The following UNC13B variants were observed in gnomAD, a reference collection of about 807,000 sequenced individuals.
UNC13B encodes the protein unc-13 homolog B, also known as protein unc-13 homolog B.
UNC13B carries 144 observed loss-of-function variants against 211.0 expected under a neutral mutation model. The ratio of observed to expected loss-of-function variants is 0.68; its 90% CI spans 0.60 to 0.78. The LOEUF (loss-of-function observed/expected upper bound fraction) is 0.78, where lower values mean the gene tolerates loss of function less well. Ranked by LOEUF, UNC13B falls within the 30% of genes least tolerant of loss-of-function variation. The probability of loss-of-function intolerance (pLI) is 0.00; values close to 1 mark genes in which losing one functional copy is unlikely to be tolerated. For missense variants in UNC13B, 1,777 were observed against 2,002.0 expected (o/e 0.89, Z 2.14); for synonymous variants, 709 against 725.8 (o/e 0.98, Z 0.37).
In UNC13B at chr9:35,243,284, A is replaced by G; in HGVS notation, c.395-7A>G. 4.3e-6 allele frequency: 7 copies of G among 1,611,808 alleles called. No individual in the cohort carries two copies. Among genetic ancestry groups the G allele is most frequent in the Non-Finnish European group, 5.9e-6 (7 of 1,178,826 alleles). On this transcript the variant is annotated splice_region_variant and splice_polypyrimidine_tract_variant and intron_variant, in intron 5 of 39. Transcript: ENST00000635942. ...TTCTTTTCTTTTTCTTCTTTTTTTT[A>G]TGGTAGATATCCCAGAGGAGGAAGC...
At chr9:35,244,113 T>A (rs1403840786) in intron 6 of UNC13B, among the ~76,000 whole-genome samples, 3 of 151,806 alleles carry the variant, frequency 2.0e-5, no homozygotes, top group Admixed American at 1.3e-4. Context: ...GGAGACAGTA[T>A]TAAAGAACAG....
chr9:35,342,071 T>C, intron 11 of UNC13B: 1 of 985,444 alleles, frequency 1.0e-6, no homozygotes, highest in South Asian at 4.7e-5. Flanking sequence ...GAGGGGTTTT[T>C]TTGCAGGGCA....
In UNC13B at chr9:35,370,378, G is replaced by T. The variant is rs1240019406; in HGVS notation, c.9522G>T (p.Leu3174=). 1.9e-6 allele frequency: 3 copies of T among 1,613,746 alleles called. No individual in the cohort carries two copies. The highest frequency in any genetic ancestry group is 2.5e-6 in the Non-Finnish European group (3 of 1,180,012). Residue 3174 remains leucine (L), a synonymous_variant, in exon 13 of 40, where the codon CTG becomes CTT. Coordinates refer to ENST00000635942, the MANE Select transcript of UNC13B (RefSeq NM_001371189.2). ...SMPDLRRKKP[L]PLVSDLSLVQ... is the part of the protein sequence containing the mutation. ...CAGATTTACGCAGAAAGAAGCCACTGCCACTTGTCAGTGATCTGGTGAGTG... is the reference window on the plus strand; with the variant it reads ...CAGATTTACGCAGAAAGAAGCCACTTCCACTTGTCAGTGATCTGGTGAGTG...
At chr9:35,222,184 T>TA (rs200433095) in intron 1 of UNC13B, among the ~76,000 whole-genome samples, 10 of 151,274 alleles carry the variant, frequency 6.6e-5, no homozygotes, top group South Asian at 2.1e-4. Context: ...TGTCAGTATC[T>TA]AAAAAAAAAT....
At chr9:35,248,140 G>A (rs1342505402) in intron 6 of UNC13B, among the ~76,000 whole-genome samples, 10 of 152,108 alleles carry the variant, frequency 6.6e-5, no homozygotes, top group South Asian at 4.1e-4. Flanking sequence ...GTTTATTTGC[G>A]TAGAGGTGTT....
rs889407909 is a variant in UNC13B, at chr9:35,304,504, T to G, written c.5100T>G (p.Asp1700Glu). Residue 1700 changes from aspartate (D) to glutamate (E), a missense_variant, in exon 9 of 40, where the codon GAT becomes GAG. Coordinates refer to ENST00000635942, the MANE Select transcript of UNC13B (RefSeq NM_001371189.2). ...GCAGAGATCAAATTATAGAGAGAGA[T>G]AAAAACCAGCCTCTAGCTGAAGATT... The part of the protein sequence containing the change: ...VSSRDQIIER[D>E]KNQPLAEDSS... The G allele has an allele frequency of 2.0e-5, 8 of 398,530 alleles. No individual in the cohort carries two copies. The highest frequency in any genetic ancestry group is 3.6e-5 in the East Asian group (1 of 28,076). The allele number at this position is 398,530 out of a possible 1,614,324, so 24.7% of individuals were successfully genotyped here. A position where few individuals can be genotyped will look rare whatever the true frequency, so the allele number is the denominator to read the frequency against.
At chr9:35,311,124 C>T (rs962127031) in intron 10 of UNC13B, among the ~76,000 whole-genome samples, 1 of 152,136 alleles carries the variant, frequency 6.6e-6, no homozygotes, top group Non-Finnish European at 1.5e-5. Flanking sequence ...ACTAGGTGTG[C>T]ACCACCACAC....
rs539963413 is a variant in UNC13B, at chr9:35,242,660, T to C, written c.395-631T>C. ...TGAATAATGCTCCGTTGTATGTAAA[T>C]CTCTCATTTTGTTAATCCTTTCATC... On this transcript the variant is annotated intron_variant, in intron 5 of 39. Transcript: ENST00000635942. 7.9e-5 allele frequency among the ~76,000 whole-genome samples: 12 copies of C among 152,274 alleles called. No individual in the cohort carries two copies. In the East Asian group the frequency reaches 2.3e-3, roughly 29 times the overall value.
At chr9:35,325,131 G>C (rs1830936203) in intron 11 of UNC13B, among the ~76,000 whole-genome samples, 1 of 152,208 alleles carries the variant, frequency 6.6e-6, no homozygotes, top group South Asian at 2.1e-4. Context: ...CTCAGAGGGA[G>C]AGAAGGATGA....
intron 34 of UNC13B, 51 bp downstream of exon 34, chr9:35,399,335 C>T (rs780956500): frequency 6.2e-7 from 1 of 1,614,144 alleles, no homozygotes; most frequent in East Asian, 2.2e-5. Flanking sequence ...CCCCTCACTC[C>T]CTGCTTCCTG....
chr9:35,258,612 G>A (rs750271682), intron 6 of UNC13B, among the ~76,000 whole-genome samples: 8 of 152,220 alleles, frequency 5.3e-5, no homozygotes, highest in Admixed American at 1.3e-4. Flanking sequence ...GTTTTCACTT[G>A]CATCACCTGA....
intron 1 of UNC13B, among the ~76,000 whole-genome samples, chr9:35,204,873 A>T (rs1185930275): frequency 1.3e-5 from 2 of 152,126 alleles, no homozygotes; most frequent in African/African-American, 2.4e-5. Context: ...AGGCATGATT[A>T]TATTTTGTAG....
intron 1 of UNC13B, among the ~76,000 whole-genome samples, chr9:35,212,382 G>C (rs1216368120): frequency 6.6e-6 from 1 of 152,148 alleles, no homozygotes; most frequent in African/African-American, 2.4e-5. Flanking sequence ...AGACCAGCCT[G>C]GCCAACATGG....
Position 35,313,980 on chromosome 9 carries a change from G to A in UNC13B, c.9405G>A (p.Gln3135=). 1.9e-6 allele frequency: 3 copies of A among 1,613,514 alleles called. No individual in the cohort carries two copies. Among genetic ancestry groups the A allele is most frequent in the Non-Finnish European group, 2.5e-6 (3 of 1,179,528 alleles). Residue 3135 remains glutamine, a synonymous_variant, in exon 11 of 40, where the codon CAG becomes CAA. Coordinates refer to ENST00000635942, the MANE Select transcript of UNC13B (RefSeq NM_001371189.2). ...GAGCAGTTACCAAGGTTCGACTCCA[G>A]CTGCAGGAGGTAGGAAATCTGTTCT... The part of the protein sequence containing the change: ...WIRAVTKVRL[Q]LQEIPDDGDP...
At position 35,162,268 on chromosome 9, in the gene UNC13B, T is replaced by G. The variant is rs1211651201; in HGVS notation, c.-16T>G. On this transcript the variant is annotated 5_prime_UTR_variant, in exon 1 of 40. Transcript: ENST00000635942. ...GCGCGGCTGGGGCGCGGCAGAGGCTTGCCCGATCCTCGGCCATGTCACTGC... is the reference window on the plus strand; with the variant it reads ...GCGCGGCTGGGGCGCGGCAGAGGCTGGCCCGATCCTCGGCCATGTCACTGC... The G allele has an allele frequency of 2.6e-6, 4 of 1,541,220 alleles. No individual in the cohort carries two copies. In the Admixed American group the frequency reaches 5.9e-5, roughly 23 times the overall value.
At chr9:35,187,193 T>C (rs992849986) in intron 1 of UNC13B, among the ~76,000 whole-genome samples, 1 of 152,210 alleles carries the variant, frequency 6.6e-6, no homozygotes, top group Non-Finnish European at 1.5e-5. Context: ...TGCCAAGATA[T>C]AGAATCTCCC....
At chr9:35,403,624 G>A in intron 39 of UNC13B, 25 bp downstream of exon 39, 2 of 1,383,564 alleles carry the variant, frequency 1.4e-6, no homozygotes, top group Non-Finnish European at 1.9e-6. Context: ...GGACATACAG[G>A]ACTCTGGGAT....
intron 8 of UNC13B, among the ~76,000 whole-genome samples, chr9:35,296,998 C>T (rs1273980165): frequency 6.6e-6 from 1 of 152,066 alleles, no homozygotes; most frequent in African/African-American, 2.4e-5. Context: ...CAATCCAGAA[C>T]CGTGATGCAT....
At chr9:35,275,159 T>A (rs143564420) in intron 7 of UNC13B, among the ~76,000 whole-genome samples, 1 of 152,180 alleles carries the variant, frequency 6.6e-6, no homozygotes, top group Non-Finnish European at 1.5e-5. Context: ...CAACCAGTTA[T>A]CTTTTTCTGC....
Sources: allele counts gnomAD v4.1 joint callset (sites outside exome capture counted in the v4.1 genomes callset), GRCh38; gene constraint gnomAD v4.1.1; transcripts MANE v1.5; gene names NCBI Gene and HGNC (gene_info 2026-07-23, HGNC 2026-07-21).